Variants in PPM1L observed in about 807,000 individuals in gnomAD.
The protein encoded by PPM1L is protein phosphatase, Mg2+/Mn2+ dependent 1L.
Under a neutral mutation model 31.4 loss-of-function variants are expected in PPM1L, and 13 were observed. That is an observed-to-expected ratio of 0.41 (90% confidence interval 0.27 to 0.66). The LOEUF is 0.66. PPM1L is among the 30% of genes least tolerant of loss of function. The pLI, the probability that PPM1L is intolerant of heterozygous loss-of-function variation, is 0.29. For synonymous variants in PPM1L, 184 were observed against 175.4 expected, an observed-to-expected ratio of 1.05 and a Z score of -0.39; for missense variants, 326 against 453.7, an observed-to-expected ratio of 0.72 and a Z score of 2.56.
At chr3:160,960,604 A>C (rs923969759) in intron 1 of PPM1L, among the ~76,000 whole-genome samples, 2 of 133,104 alleles carry the variant, frequency 1.5e-5, no homozygotes, top group Admixed American at 1.5e-4. Context: ...GTGTGTGTGA[A>C]GTTTTATACT....
chr3:160,999,916 TGGC>T (rs2108050748), intron 2 of PPM1L, among the ~76,000 whole-genome samples: 2 of 152,350 alleles, frequency 1.3e-5, no homozygotes, highest in South Asian at 4.1e-4. Flanking sequence ...ACGCTTAATG[TGGC>T]GGTTATTACG....
intron 1 of PPM1L, among the ~76,000 whole-genome samples, chr3:160,895,092 T>C (rs762555394): frequency 2.0e-5 from 3 of 152,210 alleles, no homozygotes; most frequent in Non-Finnish European, 4.4e-5. Flanking sequence ...GGGACATTAC[T>C]GTAGTATAGC....
At chr3:160,828,071 G>C (rs549818110) in intron 1 of PPM1L, among the ~76,000 whole-genome samples, 1 of 151,852 alleles carries the variant, frequency 6.6e-6, no homozygotes, top group East Asian at 1.9e-4. Context: ...CCCTCATGAC[G>C]CAAACACCTC....
chr3:160,804,074 C>T (rs536728510), intron 1 of PPM1L, among the ~76,000 whole-genome samples: 106 of 151,854 alleles, frequency 7.0e-4, no homozygotes, highest in African/African-American at 2.4e-3. Context: ...CCCGCCACCA[C>T]GCCCAGCTAA....
intron 2 of PPM1L, among the ~76,000 whole-genome samples, chr3:160,971,493 C>T (rs977396431): frequency 1.3e-5 from 2 of 152,096 alleles, no homozygotes; most frequent in African/African-American, 4.8e-5. Context: ...AAACAGACAA[C>T]TAGAGTGTAG....
intron 2 of PPM1L, among the ~76,000 whole-genome samples, chr3:160,980,766 C>T (rs538027023): frequency 4.6e-5 from 6 of 131,408 alleles, no homozygotes; most frequent in South Asian, 2.5e-4. Flanking sequence ...GAAGGAAAGA[C>T]GGAAAGAAAA....
At position 161,014,473 on chromosome 3, in the gene PPM1L, ATTT is replaced by A. The variant is rs66734087; in HGVS notation, c.575-50912_575-50910del. Among the ~76,000 whole-genome samples, 473 of 129,188 alleles carry A rather than the reference ATTT, an allele frequency of 3.7e-3. 2 individuals are homozygous for A. The highest frequency in any genetic ancestry group is 9.8e-3 in the African/African-American group (329 of 33,682). The allele number at this position is 129,188 out of a possible 152,430, so 84.8% of individuals were successfully genotyped here. ...AAATATCCCTTTTTTTCAAGTCAGGATTTTTTTTTTTTTTTTTTTTAGATGGAG... is the reference window on the plus strand; with the variant it reads ...AAATATCCCTTTTTTTCAAGTCAGGATTTTTTTTTTTTTTTTTAGATGGAG... On this transcript the variant is annotated intron_variant, in intron 2 of 3. Coordinates refer to ENST00000498165, the MANE Select transcript of PPM1L (RefSeq NM_139245.4).
intron 1 of PPM1L, among the ~76,000 whole-genome samples, chr3:160,795,856 G>C (rs958474213): frequency 4.6e-5 from 7 of 152,042 alleles, no homozygotes; most frequent in African/African-American, 1.7e-4. Flanking sequence ...AGCCTCACAG[G>C]GCTCCCCCAG....
intron 1 of PPM1L, among the ~76,000 whole-genome samples, chr3:160,822,910 C>T (rs911254861): frequency 2.6e-5 from 4 of 151,788 alleles, no homozygotes; most frequent in Middle Eastern, 6.8e-3. Flanking sequence ...GCTAGTTAAA[C>T]GACCATCTGT....
rs576048713 is a variant in PPM1L, at chr3:160,759,594, A to G, written c.399+2887A>G. ...CCCTGGGGATACAAGGGTGAATGAA[A>G]TATAACCCCTATCCTCAAAAAGTTT... is the stretch of plus-strand genomic sequence containing the variant. On this transcript the variant is annotated intron_variant, in intron 1 of 3. Transcript: ENST00000498165. Among the ~76,000 whole-genome samples, 7 of 152,286 alleles carry G rather than the reference A, an allele frequency of 4.6e-5. No individual in the cohort carries two copies. The East Asian group carries it at 1.4e-3, about 29-fold the overall frequency.
chr3:161,003,907 T>A (rs1269590419), intron 2 of PPM1L, among the ~76,000 whole-genome samples: 2 of 150,734 alleles, frequency 1.3e-5, no homozygotes, highest in African/African-American at 4.9e-5. Flanking sequence ...AGGGCATCCC[T>A]GTCTTGTGCC....
chr3:160,976,231 A>G (rs567882506), intron 2 of PPM1L, among the ~76,000 whole-genome samples: 1 of 143,914 alleles, frequency 6.9e-6, no homozygotes, highest in East Asian at 2.1e-4. Flanking sequence ...AGCCCACTTG[A>G]TCATGGTGGA....
intron 3 of PPM1L, among the ~76,000 whole-genome samples, chr3:161,066,401 A>C (rs868474972): frequency 6.6e-6 from 1 of 152,292 alleles, no homozygotes; most frequent in East Asian, 1.9e-4. Context: ...TAGTAAAAGT[A>C]AGTCATTCAT....
chr3:160,908,090 G>A (rs1476844345), intron 1 of PPM1L, among the ~76,000 whole-genome samples: 1 of 152,148 alleles, frequency 6.6e-6, no homozygotes, highest in Admixed American at 6.6e-5. Flanking sequence ...TCTTTGTATT[G>A]TCTGTGTTTG....
chr3:160,842,300 G>T, intron 1 of PPM1L: 1 of 702,522 alleles, frequency 1.4e-6, no homozygotes, highest in Non-Finnish European at 2.6e-6. Flanking sequence ...ACAGTGAGTA[G>T]ATCTGTTTGG....
At chr3:160,989,641 C>T (rs116300078) in intron 2 of PPM1L, among the ~76,000 whole-genome samples, 5,683 of 152,082 alleles carry the variant, frequency 0.037, 160 homozygotes, top group Middle Eastern at 0.11. Flanking sequence ...GGGTCACAGG[C>T]GTGAGCCACC....
At position 161,069,433 on chromosome 3, in the gene PPM1L, A is replaced by C. The variant is rs1414755448; in HGVS notation, c.*276A>C. 51 of 442,662 alleles carry C rather than the reference A, an allele frequency of 1.2e-4. No individual in the cohort carries two copies. In the East Asian group the frequency reaches 2.1e-3, roughly 18 times the overall value. 27.4% of individuals were successfully genotyped at this position (442,662 alleles called of 1,614,324 possible). ...AAATAGCTGTAGAGTCACATATATGAAGTGAATAGCATATGTGTCATTTAG... is the reference window on the plus strand; with the variant it reads ...AAATAGCTGTAGAGTCACATATATGCAGTGAATAGCATATGTGTCATTTAG... On this transcript the variant is annotated 3_prime_UTR_variant, in exon 4 of 4. Transcript: ENST00000498165.
At chr3:160,906,629 A>AAGAAAAGAAAAGAAAAGAAAAGAAC (rs1553820142) in intron 1 of PPM1L, among the ~76,000 whole-genome samples, 2,760 of 142,030 alleles carry the variant, frequency 0.019, 201 homozygotes, top group African/African-American at 0.067. Context: ...AAGAAAAGAA[A>AAGAAAAGAAAAGAAAAGAAAAGAAC]AGAACCCAGG....
rs1719891501 is a variant in PPM1L, at chr3:161,070,884, A to G, written c.*1727A>G. 1 of 152,214 alleles carries G rather than the reference A, an allele frequency of 6.6e-6. No homozygotes were observed. Among genetic ancestry groups the G allele is most frequent in the South Asian group, 2.1e-4 (1 of 4,832 alleles). The allele number at this position is 152,214 out of a possible 1,614,324, so 9.4% of individuals were successfully genotyped here. The stretch of plus-strand genomic sequence containing the variant: ...GCAATCTGTCTTGATTTCTCCAAGC[A>G]CTTAACTTTCTTTGACTGCACTGAG... On this transcript the variant is annotated 3_prime_UTR_variant, in exon 4 of 4. Coordinates refer to ENST00000498165, the MANE Select transcript of PPM1L (RefSeq NM_139245.4).
Sources: gnomAD v4.1 joint callset for allele counts (sites outside exome capture counted in the v4.1 genomes callset) on GRCh38, gnomAD v4.1.1 for gene constraint, MANE v1.5 for transcripts, NCBI Gene and HGNC (gene_info 2026-07-23, HGNC 2026-07-21) for gene names.